Variants in LIN28B observed in about 807,000 individuals in gnomAD.
The protein encoded by LIN28B is lin-28 RNA binding posttranscriptional regulator B, also known as protein lin-28 homolog B.
LIN28B carries 5 observed loss-of-function variants against 21.9 expected under a neutral mutation model. The ratio of observed to expected loss-of-function variants is 0.23; its 90% CI spans 0.12 to 0.48. The LOEUF is 0.48. Ranked by LOEUF, LIN28B falls within the 20% of genes least tolerant of loss-of-function variation. LIN28B has a pLI of 0.98. For synonymous variants in LIN28B, 109 were observed against 111.3 expected (o/e 0.98, Z 0.13); for missense variants, 245 against 310.5 (o/e 0.79, Z 1.58).
chr6:105,041,960 G>A (rs1351608760), intron 3 of LIN28B, among the ~76,000 whole-genome samples: 1 of 152,116 alleles, frequency 6.6e-6, no homozygotes, highest in Non-Finnish European at 1.5e-5. Context: ...AAATAGTTCA[G>A]ATACATCTGG....
intron 2 of LIN28B, among the ~76,000 whole-genome samples, chr6:104,972,134 C>T (rs971053599): frequency 1.3e-5 from 2 of 152,078 alleles, no homozygotes; most frequent in Admixed American, 1.3e-4. Context: ...CCACACCTGG[C>T]TGATTTTTGT....
chr6:104,957,955 G>GC, intron 1 of LIN28B, 144 bp from the exon 2 acceptor site: 1 of 487,860 alleles, frequency 2.0e-6, no homozygotes, highest in Non-Finnish European at 3.6e-6. Context: ...TTTCTGTGGA[G>GC]AAAAGAAATC....
At chr6:104,953,700 CGGGGTCTG>C (rs1778249332), upstream of LIN28B, among the ~76,000 whole-genome samples, 1 of 151,904 alleles carries the variant, frequency 6.6e-6, no homozygotes, top group African/African-American at 2.4e-5. Context: ...TCTGCTGGCG[CGGGGTCTG>C]GGGTCTCAGG....
chr6:105,041,969 G>A (rs1334553088), intron 3 of LIN28B, among the ~76,000 whole-genome samples: 1 of 152,240 alleles, frequency 6.6e-6, no homozygotes, highest in Middle Eastern at 3.4e-3. Flanking sequence ...AGATACATCT[G>A]GATTTGAGTG....
chr6:105,022,937 G>T lies in LIN28B; in HGVS notation c.199-3361G>T, dbSNP rs553719250. The stretch of plus-strand genomic sequence containing the variant: ...TGGATGGGGCAGATGAGAGAGGAGA[G>T]ATAGTAAGCAAAAATAAACAAGATT... On this transcript the variant is annotated intron_variant, in intron 2 of 3. Transcript: ENST00000345080. 1.7e-4 allele frequency among the ~76,000 whole-genome samples: 26 copies of T among 151,752 alleles called. 1 individual carries two copies. Among genetic ancestry groups the T allele is most frequent in the Admixed American group, 5.3e-4 (8 of 15,184 alleles).
chr6:104,957,797 C>G (rs1201512550), intron 1 of LIN28B, among the ~76,000 whole-genome samples: 1 of 151,914 alleles, frequency 6.6e-6, no homozygotes, highest in African/African-American at 2.4e-5. Flanking sequence ...AGTAAAGTAT[C>G]GCATGCTGTA....
At chr6:105,019,235 A>G (rs1476493632) in intron 2 of LIN28B, among the ~76,000 whole-genome samples, 1 of 152,206 alleles carries the variant, frequency 6.6e-6, no homozygotes, top group Non-Finnish European at 1.5e-5. Flanking sequence ...GGCGTGAGCC[A>G]CCGCGCCCAT....
At chr6:105,011,911 G>A (rs1582894615) in intron 2 of LIN28B, among the ~76,000 whole-genome samples, 1 of 152,008 alleles carries the variant, frequency 6.6e-6, no homozygotes, top group Admixed American at 6.5e-5. Context: ...TGTAATCCCA[G>A]CACTTTAGGA....
chr6:105,009,750 G>A (rs970693041), intron 2 of LIN28B, among the ~76,000 whole-genome samples: 4 of 152,080 alleles, frequency 2.6e-5, no homozygotes, highest in Non-Finnish European at 5.9e-5. Context: ...GGAAAGCAGG[G>A]TCTCTATATC....
At chr6:105,032,854 C>G (rs1432020128) in intron 3 of LIN28B, among the ~76,000 whole-genome samples, 1 of 152,116 alleles carries the variant, frequency 6.6e-6, no homozygotes, top group Non-Finnish European at 1.5e-5. Flanking sequence ...CTCATATACT[C>G]TTTGACAAAC....
chr6:104,949,812 G>A (rs911598803), intron 2 of LIN28B, among the ~76,000 whole-genome samples: 1 of 151,994 alleles, frequency 6.6e-6, no homozygotes, highest in Non-Finnish European at 1.5e-5. Flanking sequence ...GCCAATGGAT[G>A]TATTAGAAAC....
In LIN28B at chr6:105,009,226, G is replaced by C. The variant is rs188103386; in HGVS notation, c.199-17072G>C. Among the ~76,000 whole-genome samples the C allele has an allele frequency of 7.9e-4, 120 of 152,282 alleles. 1 individual carries two copies. Among genetic ancestry groups the C allele is most frequent in the African/African-American group, 2.9e-3 (120 of 41,562 alleles). On this transcript the variant is annotated intron_variant, in intron 2 of 3. Transcript: ENST00000345080. Reference sequence around the variant, plus strand: ...TATGAACCTGGTGGTACCAAGTTTTGTGTTAGGGATTCCATTGACTTAGTT... The same window carrying C: ...TATGAACCTGGTGGTACCAAGTTTTCTGTTAGGGATTCCATTGACTTAGTT...
At chr6:105,050,854 G>C (rs1404355242) in intron 3 of LIN28B, among the ~76,000 whole-genome samples, 1 of 151,116 alleles carries the variant, frequency 6.6e-6, no homozygotes, top group Non-Finnish European at 1.5e-5. Context: ...TTTGGTACTT[G>C]GTTTTATTAG....
intron 2 of LIN28B, among the ~76,000 whole-genome samples, chr6:104,968,148 G>A (rs1291888278): frequency 6.6e-6 from 1 of 152,112 alleles, no homozygotes; most frequent in Non-Finnish European, 1.5e-5. Context: ...TGTTGGTTTG[G>A]TATTTTCATT....
chr6:105,072,961 C>A (rs968456790), intron 3 of LIN28B, among the ~76,000 whole-genome samples: 2 of 152,088 alleles, frequency 1.3e-5, no homozygotes, highest in Non-Finnish European at 2.9e-5. Flanking sequence ...TCAGTCAGAA[C>A]AAAATGGGGC....
chr6:105,006,995 A>G (rs950942947), intron 2 of LIN28B, among the ~76,000 whole-genome samples: 6 of 152,204 alleles, frequency 3.9e-5, no homozygotes, highest in African/African-American at 1.4e-4. Flanking sequence ...CATTCTACTT[A>G]TACATGTTCT....
intron 2 of LIN28B, among the ~76,000 whole-genome samples, chr6:104,942,265 A>G (rs1279082396): frequency 1.3e-5 from 2 of 152,226 alleles, no homozygotes; most frequent in African/African-American, 2.4e-5. Context: ...ACGTTTTACA[A>G]CATTGCTGGG....
chr6:105,019,801 A>T (rs554866728), intron 2 of LIN28B, among the ~76,000 whole-genome samples: 3 of 152,224 alleles, frequency 2.0e-5, no homozygotes, highest in South Asian at 4.2e-4. Flanking sequence ...TTTATTGTGA[A>T]TCTTTCTTTT....
intron 2 of LIN28B, among the ~76,000 whole-genome samples, chr6:104,977,433 A>G (rs1448806443): frequency 6.6e-6 from 1 of 152,204 alleles, no homozygotes; most frequent in Admixed American, 6.5e-5. Flanking sequence ...TTTATAAATA[A>G]TGGGTCATTT....
Sources: allele counts gnomAD v4.1 joint callset (sites outside exome capture counted in the v4.1 genomes callset), GRCh38; gene constraint gnomAD v4.1.1; transcripts MANE v1.5; gene names NCBI Gene and HGNC (gene_info 2026-07-23, HGNC 2026-07-21).